Variants in CHRM3 observed in about 807,000 individuals in gnomAD.
CHRM3 encodes the protein cholinergic receptor muscarinic 3, also known as muscarinic acetylcholine receptor M3.
A neutral mutation model predicts 41.8 loss-of-function variants in CHRM3; 11 were observed. The observed-to-expected ratio is 0.26, with a 90% CI of 0.17 to 0.44. The LOEUF is 0.44. Among genes scored for constraint, CHRM3 ranks in the 20% least tolerant of loss-of-function variants. CHRM3 has a pLI of 1.00. For synonymous variants in CHRM3, 297 were observed against 301.4 expected (o/e 0.99, Z 0.15); for missense variants, 571 against 745.4 (o/e 0.77, Z 2.72).
chr1:239,826,891 G>A (rs890624689), intron 5 of CHRM3: 4 of 152,144 alleles, frequency 2.6e-5, no homozygotes, highest in African/African-American at 9.7e-5. Context: ...GGCCTGTGGT[G>A]GAACTCACAA....
rs960740145 is a variant in CHRM3 at position 239,427,130 on chromosome 1, G to A, written c.-521+39903G>A. 3.3e-5 allele frequency among the ~76,000 whole-genome samples: 5 copies of A among 152,150 alleles called. No individual in the cohort carries two copies. The South Asian group carries it at 6.2e-4, about 19-fold the overall frequency. On this transcript the variant is annotated intron_variant, in intron 1 of 6. Coordinates refer to ENST00000676153, the MANE Select transcript of CHRM3 (RefSeq NM_001375978.1). ...AAAGATTGGGTGATAGTGATTTAAA[G>A]TCATTTTCCTGTGGTAGTAATTAAA...
chr1:239,645,985 G>A (rs184749185), intron 4 of CHRM3, among the ~76,000 whole-genome samples: 1 of 152,028 alleles, frequency 6.6e-6, no homozygotes, highest in Admixed American at 6.5e-5. Context: ...GAAAATTAAA[G>A]CATAACATTT....
At chr1:239,690,133 C>T (rs1362940554) in intron 5 of CHRM3, among the ~76,000 whole-genome samples, 1 of 152,056 alleles carries the variant, frequency 6.6e-6, no homozygotes, top group African/African-American at 2.4e-5. Context: ...TCTGCCATAC[C>T]ATCCAGAATT....
chr1:239,523,308 A>C (rs1669778443), intron 2 of CHRM3, among the ~76,000 whole-genome samples: 1 of 152,160 alleles, frequency 6.6e-6, no homozygotes, highest in Admixed American at 6.6e-5. Context: ...AAATTATCTC[A>C]AAAATCTTGA....
At chr1:239,566,645 T>A (rs1016413682) in intron 3 of CHRM3, among the ~76,000 whole-genome samples, 49 of 152,314 alleles carry the variant, frequency 3.2e-4, no homozygotes, top group Middle Eastern at 3.4e-3. Flanking sequence ...ATGCTTTGGG[T>A]CATTAATTCT....
At chr1:239,833,281 A>C (rs920757416) in intron 6 of CHRM3, among the ~76,000 whole-genome samples, 2 of 152,130 alleles carry the variant, frequency 1.3e-5, no homozygotes, top group South Asian at 4.1e-4. Flanking sequence ...CCCGCTTGGG[A>C]TAGGATCTTT....
At chr1:239,455,977 G>A (rs896035027) in intron 1 of CHRM3, among the ~76,000 whole-genome samples, 4 of 152,114 alleles carry the variant, frequency 2.6e-5, no homozygotes, top group African/African-American at 9.7e-5. Flanking sequence ...GAAATGGGAG[G>A]TCAGCCTCAA....
At chr1:239,701,701 G>T (rs1198916986) in intron 5 of CHRM3, among the ~76,000 whole-genome samples, 1 of 152,122 alleles carries the variant, frequency 6.6e-6, no homozygotes, top group Middle Eastern at 3.2e-3. Context: ...AGTTAGAAAT[G>T]CAGATCCCTC....
intron 2 of CHRM3, among the ~76,000 whole-genome samples, chr1:239,500,852 A>G (rs1331128816): frequency 6.6e-6 from 1 of 152,172 alleles, no homozygotes; most frequent in Non-Finnish European, 1.5e-5. Flanking sequence ...ATGGACAAGA[A>G]CTCACCAACC....
chr1:239,822,651 T>C (rs1441699221), intron 5 of CHRM3, among the ~76,000 whole-genome samples: 2 of 152,220 alleles, frequency 1.3e-5, no homozygotes, highest in African/African-American at 2.4e-5. Flanking sequence ...TAAATTATCA[T>C]AATCCCAGTA....
intron 4 of CHRM3, among the ~76,000 whole-genome samples, chr1:239,658,184 CTT>C (rs1672884489): frequency 6.6e-6 from 1 of 152,154 alleles, no homozygotes; most frequent in East Asian, 1.9e-4. Context: ...CTGATTGACT[CTT>C]TGGGCTTCAA....
intron 5 of CHRM3, 122 bp from the exon 6 acceptor site, chr1:239,827,130 A>T (rs982170562): frequency 2.6e-5 from 4 of 152,074 alleles, no homozygotes; most frequent in Non-Finnish European, 4.4e-5. Context: ...TCAGTTGAAG[A>T]CTCTAGGGAG....
At chr1:239,477,161 GGTT>G (rs1473631461) in intron 1 of CHRM3, among the ~76,000 whole-genome samples, 2 of 152,178 alleles carry the variant, frequency 1.3e-5, no homozygotes, top group Non-Finnish European at 2.9e-5. Flanking sequence ...GTGCTTCTTA[GGTT>G]AAATATGTGA....
chr1:239,898,076 T>C (rs1298864406), intron 6 of CHRM3: 1 of 152,246 alleles, frequency 6.6e-6, no homozygotes, highest in East Asian at 1.9e-4. Context: ...TTGTTCACAA[T>C]AAGAGCCATT....
rs143921373 is a variant in CHRM3, at chr1:239,524,923, T to C, written c.-421-20718T>C. On this transcript the variant is annotated intron_variant, in intron 2 of 6. Coordinates refer to ENST00000676153, the MANE Select transcript of CHRM3 (RefSeq NM_001375978.1). ...AAGAATTTTTAAAAATTCTTCATTT[T>C]TGTAAAGTATTAATAAAGTAATTTT... is the stretch of plus-strand genomic sequence containing the variant. Among the ~76,000 whole-genome samples, 668 of 152,302 alleles carry C rather than the reference T, an allele frequency of 4.4e-3. 6 individuals carry two copies. The highest frequency in any genetic ancestry group is 0.015 in the African/African-American group (644 of 41,582).
chr1:239,687,467 C>T (rs1190100634), intron 5 of CHRM3, among the ~76,000 whole-genome samples: 1 of 152,092 alleles, frequency 6.6e-6, no homozygotes, highest in Non-Finnish European at 1.5e-5. Context: ...TAAAATTAAT[C>T]ATTAACTTAC....
intron 6 of CHRM3, among the ~76,000 whole-genome samples, chr1:239,865,225 A>C (rs531060657): frequency 1.4e-4 from 22 of 152,054 alleles, no homozygotes; most frequent in African/African-American, 5.3e-4. Flanking sequence ...GGAGAACTAC[A>C]TGTATAGGAT....
intron 2 of CHRM3, among the ~76,000 whole-genome samples, chr1:239,524,100 C>G (rs1280534992): frequency 2.6e-5 from 4 of 152,074 alleles, no homozygotes; most frequent in Non-Finnish European, 5.9e-5. Context: ...CTGCATCCCA[C>G]CTTTGTAACA....
At chr1:239,506,007 C>A (rs768181264) in intron 2 of CHRM3, among the ~76,000 whole-genome samples, 2 of 152,110 alleles carry the variant, frequency 1.3e-5, no homozygotes, top group Non-Finnish European at 1.5e-5. Flanking sequence ...TGTAAGGTAT[C>A]TGGTGGAAGA....
Sources: gnomAD v4.1 joint callset for allele counts (sites outside exome capture counted in the v4.1 genomes callset) on GRCh38, gnomAD v4.1.1 for gene constraint, MANE v1.5 for transcripts, NCBI Gene and HGNC (gene_info 2026-07-23, HGNC 2026-07-21) for gene names.